CNTNAP2: variants seen among roughly 807,000 people sequenced by gnomAD.
CNTNAP2 encodes contactin-associated protein-like 2.
A neutral mutation model predicts 155.2 loss-of-function variants in CNTNAP2; 98 were observed. The ratio of observed to expected loss-of-function variants is 0.63; its 90% CI spans 0.54 to 0.75. The LOEUF (loss-of-function observed/expected upper bound fraction) is 0.75. Ranked by LOEUF, CNTNAP2 falls within the 30% of genes least tolerant of loss-of-function variation. The pLI is 0.00. For missense variants in CNTNAP2, 1,727 were observed against 1,688.1 expected (o/e 1.02, Z -0.40); for synonymous variants, 651 against 631.2 (o/e 1.03, Z -0.47).
intron 2 of CNTNAP2, among the ~76,000 whole-genome samples, chr7:146,821,761 A>G (rs999922116): frequency 8.5e-5 from 13 of 152,146 alleles, no homozygotes; most frequent in African/African-American, 2.9e-4. Flanking sequence ...GCAAATCAAA[A>G]CCACAATGAG....
intron 1 of CNTNAP2, among the ~76,000 whole-genome samples, chr7:146,140,915 G>T (rs1008952678): frequency 1.3e-5 from 2 of 152,078 alleles, no homozygotes; most frequent in Non-Finnish European, 2.9e-5. Context: ...AGAACATCTT[G>T]CAATCTGCAC....
chr7:146,455,194 C>T (rs1182824561), intron 1 of CNTNAP2, among the ~76,000 whole-genome samples: 2 of 152,156 alleles, frequency 1.3e-5, no homozygotes, highest in Non-Finnish European at 2.9e-5. Context: ...AGATGTAAAT[C>T]AATCATGGCA....
intron 11 of CNTNAP2, among the ~76,000 whole-genome samples, chr7:147,525,884 G>A (rs1336111662): frequency 6.6e-6 from 1 of 152,036 alleles, no homozygotes; most frequent in East Asian, 1.9e-4. Flanking sequence ...GGAGCCAGTA[G>A]TCCAATTGTT....
At chr7:148,216,572 G>A (rs1795641952) in intron 18 of CNTNAP2, among the ~76,000 whole-genome samples, 1 of 152,090 alleles carries the variant, frequency 6.6e-6, no homozygotes, top group Admixed American at 6.6e-5. Flanking sequence ...TTTATTTTTG[G>A]CATATCTCTT....
chr7:147,654,580 C>T lies in CNTNAP2; in HGVS notation c.2098+15274C>T, dbSNP rs1467140435. Among the ~76,000 whole-genome samples the T allele has an allele frequency of 3.9e-5, 6 of 152,256 alleles. No homozygotes were observed. The South Asian group carries it at 6.2e-4, about 16-fold the overall frequency. Reference sequence around the variant, plus strand: ...ATTCTTTTGTTATTTCTATTACATTCGCAGTGACTTGCTCCACTGAAGTTT... The same window carrying T: ...ATTCTTTTGTTATTTCTATTACATTTGCAGTGACTTGCTCCACTGAAGTTT... On this transcript the variant is annotated intron_variant, in intron 13 of 23. Coordinates refer to ENST00000361727, the MANE Select transcript of CNTNAP2 (RefSeq NM_014141.6).
At chr7:147,200,804 T>C (rs566310553) in intron 8 of CNTNAP2, among the ~76,000 whole-genome samples, 11 of 152,322 alleles carry the variant, frequency 7.2e-5, no homozygotes, top group African/African-American at 2.6e-4. Flanking sequence ...CTATAAAGCC[T>C]ACCCAATAAA....
chr7:147,126,726 G>A (rs1801246974), intron 6 of CNTNAP2, among the ~76,000 whole-genome samples: 1 of 152,150 alleles, frequency 6.6e-6, no homozygotes. Flanking sequence ...ACCCGCCTTG[G>A]CCTCCCAAAG....
chr7:146,731,021 C>G (rs898317863), intron 1 of CNTNAP2, among the ~76,000 whole-genome samples: 4 of 152,128 alleles, frequency 2.6e-5, no homozygotes, highest in Non-Finnish European at 5.9e-5. Context: ...ATGACATTTT[C>G]CAGCTTGAGG....
At chr7:148,368,649 G>A (rs527252932) in intron 21 of CNTNAP2, among the ~76,000 whole-genome samples, 2 of 152,296 alleles carry the variant, frequency 1.3e-5, no homozygotes, top group African/African-American at 2.4e-5. Context: ...TTATTCAGCC[G>A]GGAGCATCGG....
intron 1 of CNTNAP2, among the ~76,000 whole-genome samples, chr7:146,312,324 A>G (rs892916346): frequency 6.6e-6 from 1 of 152,184 alleles, no homozygotes; most frequent in African/African-American, 2.4e-5. Context: ...TGATGAGAGG[A>G]TTCGAAGCTC....
At chr7:147,644,160 C>T (rs1243657185) in intron 13 of CNTNAP2, among the ~76,000 whole-genome samples, 1 of 152,140 alleles carries the variant, frequency 6.6e-6, no homozygotes. Context: ...ATTTGGGAAT[C>T]ACCAAATTAG....
intron 2 of CNTNAP2, among the ~76,000 whole-genome samples, chr7:146,806,022 C>T (rs1802960981): frequency 6.6e-6 from 1 of 152,074 alleles, no homozygotes; most frequent in Non-Finnish European, 1.5e-5. Flanking sequence ...TAGTAGCATG[C>T]CATTGTAAAT....
At chr7:146,484,847 C>A (rs529279907) in intron 1 of CNTNAP2, among the ~76,000 whole-genome samples, 5 of 151,990 alleles carry the variant, frequency 3.3e-5, no homozygotes, top group Admixed American at 3.3e-4. Context: ...TTCCTCCAAC[C>A]CTTACATATT....
At chr7:147,923,682 TA>T (rs60790085) in intron 14 of CNTNAP2, among the ~76,000 whole-genome samples, 102,496 of 144,676 alleles carry the variant, frequency 0.71, 36,073 homozygotes, top group East Asian at 0.8. Flanking sequence ...CCCAGCTAAT[TA>T]AAAAAAAAAA....
At chr7:147,183,302 G>A (rs888153793) in intron 8 of CNTNAP2, among the ~76,000 whole-genome samples, 6 of 152,164 alleles carry the variant, frequency 3.9e-5, no homozygotes, top group Non-Finnish European at 8.8e-5. Context: ...GACAGAAATA[G>A]TCACTGGCTA....
intron 11 of CNTNAP2, among the ~76,000 whole-genome samples, 154 bp downstream of exon 11, chr7:147,486,195 A>T (rs561866262): frequency 3.8e-4 from 58 of 151,346 alleles, no homozygotes; most frequent in South Asian, 1.1e-3. Flanking sequence ...CCAAAAAAAA[A>T]AAAATAAAAT....
At chr7:147,077,058 A>C (rs1190298579) in intron 4 of CNTNAP2, among the ~76,000 whole-genome samples, 2 of 152,194 alleles carry the variant, frequency 1.3e-5, no homozygotes, top group African/African-American at 4.8e-5. Flanking sequence ...TGAATTACTT[A>C]GAAAATATAT....
intron 15 of CNTNAP2, among the ~76,000 whole-genome samples, chr7:147,987,686 GTTATTTTATTTTATA>G (rs2116877924): frequency 1.3e-5 from 2 of 152,150 alleles, no homozygotes; most frequent in East Asian, 3.9e-4. Flanking sequence ...TCTATTTTAT[GTTATTTTATTTTATA>G]TTTTATTTTT....
intron 1 of CNTNAP2, among the ~76,000 whole-genome samples, chr7:146,512,419 G>T (rs1210166671): frequency 1.3e-5 from 2 of 150,752 alleles, no homozygotes; most frequent in African/African-American, 2.4e-5. Flanking sequence ...TTATGTAGAT[G>T]TTCATTGCTA....
Sources: allele counts gnomAD v4.1 joint callset (sites outside exome capture counted in the v4.1 genomes callset), GRCh38; gene constraint gnomAD v4.1.1; transcripts MANE v1.5; gene names NCBI Gene and HGNC (gene_info 2026-07-23, HGNC 2026-07-21).